Variants in AKAP13 observed in about 807,000 individuals in gnomAD.
AKAP13 encodes the protein A-kinase anchor protein 13.
AKAP13 carries 80 observed loss-of-function variants against 264.5 expected under a neutral mutation model. The observed-to-expected ratio is 0.30, with a 90% CI of 0.25 to 0.36. AKAP13 has a LOEUF of 0.36. Among genes scored for constraint, AKAP13 ranks in the 10% least tolerant of loss-of-function variants. The pLI, the probability that AKAP13 is intolerant of heterozygous loss-of-function variation, is 1.00. For synonymous variants in AKAP13, 1,380 were observed against 1,250.2 expected (o/e 1.10, Z -2.19); for missense variants, 3,712 against 3,435.2 (o/e 1.08, Z -2.01).
intron 9 of AKAP13, among the ~76,000 whole-genome samples, chr15:85,643,238 A>C (rs574791756): frequency 6.8e-6 from 1 of 147,050 alleles, no homozygotes; most frequent in Non-Finnish European, 1.5e-5. Flanking sequence ...ATTGTCTTCT[A>C]ATATGTTCAT....
chr15:85,678,743 C>T (rs2084398367), intron 14 of AKAP13, among the ~76,000 whole-genome samples: 1 of 151,916 alleles, frequency 6.6e-6, no homozygotes, highest in Non-Finnish European at 1.5e-5. Flanking sequence ...GTGATGGGCA[C>T]CTGTAGTCGC....
At chr15:85,431,840 C>G (rs2073036109) in intron 1 of AKAP13, among the ~76,000 whole-genome samples, 2 of 152,184 alleles carry the variant, frequency 1.3e-5, no homozygotes, top group African/African-American at 4.8e-5. Context: ...CAGATCAACT[C>G]TACGATATAA....
chr15:85,515,879 C>CA lies in AKAP13; in HGVS notation c.34-5546dup, dbSNP rs1397562166. On this transcript the variant is annotated intron_variant, in intron 2 of 36. Coordinates refer to ENST00000394518, the MANE Select transcript of AKAP13 (RefSeq NM_007200.5). ...ATCATTTGATTCAGGTGTTATCTGC[C>CA]AAAGTTCTGCTTTCCCCTTTGTTAT... is the stretch of plus-strand genomic sequence containing the variant. 1.2e-4 allele frequency among the ~76,000 whole-genome samples: 11 copies of CA among 91,730 alleles called. 1 individual carries two copies. In the Admixed American group the frequency reaches 1.2e-3, roughly 10 times the overall value. The allele number at this position is 91,730 out of a possible 152,430, so 60.2% of individuals were successfully genotyped here.
chr15:85,569,397 G>C (rs1039918338), intron 5 of AKAP13, among the ~76,000 whole-genome samples: 2 of 151,656 alleles, frequency 1.3e-5, no homozygotes, highest in African/African-American at 4.8e-5. Context: ...TTTGTGGATG[G>C]CAAATAAGAA....
At chr15:85,653,167 C>G (rs1596913868) in intron 10 of AKAP13, among the ~76,000 whole-genome samples, 1 of 152,302 alleles carries the variant, frequency 6.6e-6, no homozygotes, top group East Asian at 1.9e-4. Context: ...TAAAATAATA[C>G]CTACCACAAT....
chr15:85,610,440 G>A (rs1596705920), intron 8 of AKAP13, among the ~76,000 whole-genome samples: 1 of 152,196 alleles, frequency 6.6e-6, no homozygotes, highest in African/African-American at 2.4e-5. Context: ...TCTATGGCAG[G>A]ATCTCTTTGA....
At chr15:85,516,597 C>T (rs1268835371) in intron 2 of AKAP13, among the ~76,000 whole-genome samples, 1 of 152,226 alleles carries the variant, frequency 6.6e-6, no homozygotes, top group South Asian at 2.1e-4. Context: ...GTGGTGATGT[C>T]TCTTAAATGG....
At chr15:85,694,876 C>A (rs1251450815) in intron 17 of AKAP13, among the ~76,000 whole-genome samples, 1 of 152,174 alleles carries the variant, frequency 6.6e-6, no homozygotes, top group East Asian at 1.9e-4. Context: ...ACCATGATGT[C>A]CTGAAATCTT....
chr15:85,427,547 A>G (rs2072851865), intron 1 of AKAP13, among the ~76,000 whole-genome samples: 1 of 152,212 alleles, frequency 6.6e-6, no homozygotes, highest in Non-Finnish European at 1.5e-5. Flanking sequence ...AAAGTAAAAC[A>G]TTAACCATGT....
chr15:85,487,884 A>G lies in AKAP13; in HGVS notation c.33+2131A>G, dbSNP rs538016571. ...GTAGCTAGGACTACAGGTGTGCGCC[A>G]TCATGCCTGGCTATTTATTTATGTA... On this transcript the variant is annotated intron_variant, in intron 2 of 36. Coordinates refer to ENST00000394518, the MANE Select transcript of AKAP13 (RefSeq NM_007200.5). Among the ~76,000 whole-genome samples the G allele has an allele frequency of 9.4e-5, 14 of 149,276 alleles. No homozygotes were observed. The East Asian group carries it at 2.0e-3, about 22-fold the overall frequency.
chr15:85,434,407 A>G (rs1222673418), intron 1 of AKAP13, among the ~76,000 whole-genome samples: 3 of 152,150 alleles, frequency 2.0e-5, no homozygotes, highest in Non-Finnish European at 4.4e-5. Context: ...GGCGCCCGCC[A>G]TTGCCCAGGC....
intron 8 of AKAP13, among the ~76,000 whole-genome samples, chr15:85,623,126 GT>G (rs1416652674): frequency 6.6e-6 from 1 of 152,048 alleles, no homozygotes; most frequent in African/African-American, 2.4e-5. Context: ...CTATAGTTGG[GT>G]GCCTGTGCCA....
intron 8 of AKAP13, chr15:85,635,048 T>G: frequency 2.5e-6 from 1 of 398,212 alleles, no homozygotes; most frequent in East Asian, 3.6e-5. Flanking sequence ...GTGCAAGTCT[T>G]TGTGTGACAG....
chr15:85,620,941 A>G (rs1302516446), intron 8 of AKAP13, among the ~76,000 whole-genome samples: 1 of 152,214 alleles, frequency 6.6e-6, no homozygotes, highest in African/African-American at 2.4e-5. Flanking sequence ...CTCAAAGAGC[A>G]CTTTTTGGAA....
chr15:85,453,710 G>A (rs565150036), intron 1 of AKAP13, among the ~76,000 whole-genome samples: 2 of 152,220 alleles, frequency 1.3e-5, no homozygotes, highest in South Asian at 4.1e-4. Context: ...AAGCTCTAAG[G>A]CTGGAACAGC....
intron 5 of AKAP13, among the ~76,000 whole-genome samples, chr15:85,546,392 A>G (rs1275154529): frequency 1.3e-5 from 2 of 151,674 alleles, no homozygotes; most frequent in Non-Finnish European, 2.9e-5. Flanking sequence ...GATGTCCATC[A>G]CAGATAAATG....
At chr15:85,682,090 A>C in intron 14 of AKAP13, 68 bp from the exon 15 acceptor site, 2 of 1,430,390 alleles carry the variant, frequency 1.4e-6, no homozygotes, top group South Asian at 1.2e-5. Flanking sequence ...TTGTGAATTT[A>C]TAAATATTCT....
rs777339059 is a variant in AKAP13, at chr15:85,639,467, A to G, written c.4237+18A>G. ...GAGCCCAGGTAAGCTGAGATTATCC[A>G]TTCATTTTCTGGAGCTGCAGCCCCA... On this transcript the variant is annotated intron_variant, in intron 9 of 36. Coordinates refer to ENST00000394518, the MANE Select transcript of AKAP13 (RefSeq NM_007200.5). 2.3e-5 allele frequency: 37 copies of G among 1,596,652 alleles called. No individual in the cohort carries two copies. In the Admixed American group the frequency reaches 5.8e-4, roughly 25 times the overall value.
intron 1 of AKAP13, among the ~76,000 whole-genome samples, chr15:85,400,870 ATATATT>A (rs1384523179): frequency 3.5e-5 from 2 of 56,398 alleles, no homozygotes; most frequent in East Asian, 2.8e-4. Context: ...ATATATATAT[ATATATT>A]TTTTTTTTTT....
Sources: allele counts gnomAD v4.1 joint callset (sites outside exome capture counted in the v4.1 genomes callset), GRCh38; gene constraint gnomAD v4.1.1; transcripts MANE v1.5; gene names NCBI Gene and HGNC (gene_info 2026-07-23, HGNC 2026-07-21).